DMD: variants seen among roughly 807,000 people sequenced by gnomAD.
The protein encoded by DMD is dystrophin.
In DMD, 63 loss-of-function variants were observed where a neutral mutation model predicts 330.1. The ratio of observed to expected loss-of-function variants is 0.19; its 90% CI spans 0.16 to 0.24. The LOEUF is 0.24. Among genes scored for constraint, DMD ranks in the 10% least tolerant of loss-of-function variants. DMD has a pLI of 1.00. For synonymous variants in DMD, 1,223 were observed against 959.8 expected (o/e 1.27, Z -5.07); for missense variants, 3,344 against 2,684.1 (o/e 1.25, Z -5.43).
At chrX:33,000,959 AT>A (rs765071668) in intron 2 of DMD, among the ~76,000 whole-genome samples, 21 of 111,062 alleles carry the variant, frequency 1.9e-4, no homozygotes, top group African/African-American at 5.6e-4. Flanking sequence ...ATTATTCTAT[AT>A]TTTTTATTAT....
chrX:32,918,709 A>C (rs2088089414), intron 2 of DMD, among the ~76,000 whole-genome samples: 1 of 112,595 alleles, frequency 8.9e-6, no homozygotes, highest in South Asian at 3.6e-4. Context: ...AATGTTTCAC[A>C]ATAATTTACA....
At chrX:32,490,266 C>T (rs2042870924) in intron 20 of DMD, among the ~76,000 whole-genome samples, 2 of 111,668 alleles carry the variant, frequency 1.8e-5, no homozygotes, top group Non-Finnish European at 3.8e-5. Flanking sequence ...CGTTTTAGTC[C>T]ATCCTCTAAT....
At chrX:31,194,225 A>C (rs2042667032) in intron 67 of DMD, among the ~76,000 whole-genome samples, 1 of 111,548 alleles carries the variant, frequency 9.0e-6, no homozygotes, top group South Asian at 3.8e-4. Context: ...AAATGCTGGG[A>C]GACTGTTCAA....
At chrX:33,280,736 A>G (rs1406181167) in intron 1 of DMD, among the ~76,000 whole-genome samples, 5 of 111,909 alleles carry the variant, frequency 4.5e-5, no homozygotes, top group African/African-American at 1.6e-4. Context: ...AAATAAATAA[A>G]TTGGGCATAT....
chrX:32,798,839 ATATT>A (rs1187644732), intron 7 of DMD, among the ~76,000 whole-genome samples: 4 of 111,539 alleles, frequency 3.6e-5, no homozygotes, highest in South Asian at 3.7e-4. Flanking sequence ...GTTCACAAAA[ATATT>A]TATTTATTTA....
At chrX:32,192,703 T>C (rs2606668) in intron 44 of DMD, among the ~76,000 whole-genome samples, 19,170 of 111,117 alleles carry the variant, frequency 0.17, 1,356 homozygotes, top group Middle Eastern at 0.26. Context: ...TATTTACTCA[T>C]ATATGTAAAC....
chrX:32,489,232 G>C (rs752284417), intron 20 of DMD, among the ~76,000 whole-genome samples: 2 of 110,471 alleles, frequency 1.8e-5, no homozygotes, highest in Non-Finnish European at 3.8e-5. Context: ...GGGCTGAATT[G>C]TGTCTTCCAA....
chrX:31,480,683 T>C (rs10521971), intron 57 of DMD, among the ~76,000 whole-genome samples: 3,393 of 109,269 alleles, frequency 0.031, 110 homozygotes, highest in African/African-American at 0.079. Flanking sequence ...TTTCTCTGTT[T>C]GGACCTGAAG....
intron 60 of DMD, among the ~76,000 whole-genome samples, chrX:31,417,278 C>G (rs1289092170): frequency 9.0e-6 from 1 of 111,501 alleles, no homozygotes; most frequent in East Asian, 2.8e-4. Flanking sequence ...TTTCTTTTTT[C>G]TTTTCTTTTT....
chrX:32,864,599 T>C (rs142789524), intron 2 of DMD, among the ~76,000 whole-genome samples: 3,207 of 112,031 alleles, frequency 0.029, 116 homozygotes, highest in African/African-American at 0.099. Context: ...TAATTCTACA[T>C]ATATACATTA....
chrX:31,398,348 T>C (rs1424298838), intron 60 of DMD, among the ~76,000 whole-genome samples: 1 of 112,327 alleles, frequency 8.9e-6, no homozygotes, highest in Non-Finnish European at 1.9e-5. Flanking sequence ...AGAAAGAGTA[T>C]TTTCAAAGGC....
chrX:33,329,387 C>T (rs889098995), intron 1 of DMD, among the ~76,000 whole-genome samples: 1 of 112,112 alleles, frequency 8.9e-6, no homozygotes, highest in African/African-American at 3.2e-5. Context: ...TTTCACTATT[C>T]TATGACCTAA....
chrX:33,107,840 T>A, intron 1 of DMD, among the ~76,000 whole-genome samples: 1 of 111,858 alleles, frequency 8.9e-6, no homozygotes, highest in Non-Finnish European at 1.9e-5. Flanking sequence ...TTTAAATGCA[T>A]GTGAATTTCA....
At chrX:32,406,461 A>C (rs1225774808) in intron 30 of DMD, among the ~76,000 whole-genome samples, 1 of 110,487 alleles carries the variant, frequency 9.1e-6, no homozygotes, top group Non-Finnish European at 1.9e-5. Context: ...TTTTAGCATG[A>C]GGGGTAGTTG....
chrX:32,718,451 C>T (rs762009401), intron 7 of DMD, among the ~76,000 whole-genome samples: 66 of 111,542 alleles, frequency 5.9e-4, no homozygotes, highest in African/African-American at 1.9e-3. Context: ...TCCCATACAG[C>T]CTGTGGAACT....
At chrX:33,328,886 T>C (rs1477765053) in intron 1 of DMD, among the ~76,000 whole-genome samples, 8 of 111,590 alleles carry the variant, frequency 7.2e-5, no homozygotes, top group Non-Finnish European at 1.3e-4. Flanking sequence ...TAAGTTCCTA[T>C]AAAAGATATC....
chrX:31,860,129 C>T (rs1004692735), intron 48 of DMD, among the ~76,000 whole-genome samples: 3 of 111,482 alleles, frequency 2.7e-5, no homozygotes, highest in African/African-American at 9.8e-5. Context: ...AGCATGGCTT[C>T]TGACGTTCTC....
At chrX:32,294,213 C>T (rs1167055115) in intron 42 of DMD, among the ~76,000 whole-genome samples, 16 of 112,358 alleles carry the variant, frequency 1.4e-4, no homozygotes, top group African/African-American at 4.9e-4. Context: ...AGTCCTCCAC[C>T]TGATACCAAG....
chrX:31,634,565 AT>A (rs1322739117), intron 54 of DMD, among the ~76,000 whole-genome samples: 9 of 111,961 alleles, frequency 8.0e-5, no homozygotes, highest in African/African-American at 1.9e-4. Context: ...TTTAAAAAAA[AT>A]ATACATATCA....
Sources: allele counts gnomAD v4.1 joint callset (sites outside exome capture counted in the v4.1 genomes callset), GRCh38; gene constraint gnomAD v4.1.1; transcripts MANE v1.5; gene names NCBI Gene and HGNC (gene_info 2026-07-23, HGNC 2026-07-21).